The following PTGDR variants were observed in gnomAD, a reference collection of about 807,000 sequenced individuals.
PTGDR encodes the protein prostaglandin D2 receptor, also known as PGD2 receptor.
Under a neutral mutation model 17.4 loss-of-function variants are expected in PTGDR, and 19 were observed. That is an observed-to-expected ratio of 1.09 (90% confidence interval 0.76 to 1.60). The LOEUF is 1.60. PTGDR is among the 40% of genes most tolerant of loss of function. PTGDR has a pLI of 0.00. For missense variants in PTGDR, 526 were observed against 481.9 expected, an observed-to-expected ratio of 1.09 and a Z score of -0.86; for synonymous variants, 267 against 224.2, an observed-to-expected ratio of 1.19 and a Z score of -1.71.
At chr14:52,269,422 GGAAAT>G in intron 1 of PTGDR, 1 of 1,462,738 alleles carries the variant, frequency 6.8e-7, no homozygotes, top group African/African-American at 1.4e-5. Context: ...GGATAGCGAT[GGAAAT>G]GAAATTATCT....
chr14:52,276,732 G>T (rs1361885566), downstream of PTGDR: 2 of 152,118 alleles, frequency 1.3e-5, no homozygotes, highest in Non-Finnish European at 2.9e-5. Flanking sequence ...GTATTTTGCA[G>T]AGGAAATTAC....
intron 1 of PTGDR, among the ~76,000 whole-genome samples, chr14:52,269,074 C>T (rs1422097561): frequency 6.6e-6 from 1 of 152,138 alleles, no homozygotes; most frequent in East Asian, 1.9e-4. Context: ...TTTGTTAGAC[C>T]TGCTCATGAC....
chr14:52,273,617 T>C (rs41312484), intron 1 of PTGDR, among the ~76,000 whole-genome samples: 2,480 of 152,150 alleles, frequency 0.016, 64 homozygotes, highest in African/African-American at 0.052. Flanking sequence ...ATGCACTAGA[T>C]TGGAGTGGCT....
chr14:52,268,285 C>T lies in PTGDR; in HGVS notation c.471C>T (p.Ser157=). Residue 157 remains serine (S), a synonymous_variant, in exon 1 of 2, where the codon AGC becomes AGT. Coordinates refer to ENST00000306051, the MANE Select transcript of PTGDR (RefSeq NM_000953.3). ...RLGALVAPVV[S]AFSLAFCALP... ...GCGCACTGGTGGCCCCGGTGGTGAGCGCCTTCTCCCTGGCTTTCTGCGCGC... is the reference window on the plus strand; with the variant it reads ...GCGCACTGGTGGCCCCGGTGGTGAGTGCCTTCTCCCTGGCTTTCTGCGCGC... The T allele has an allele frequency of 1.2e-6, 2 of 1,613,944 alleles. No homozygotes were observed. The highest frequency in any genetic ancestry group is 8.5e-7 in the Non-Finnish European group (1 of 1,180,046).
At chr14:52,271,650 C>G (rs1262864934) in intron 1 of PTGDR, among the ~76,000 whole-genome samples, 1 of 152,150 alleles carries the variant, frequency 6.6e-6, no homozygotes, top group Non-Finnish European at 1.5e-5. Context: ...ACGTGTGTAC[C>G]CTCAACCTGC....
chr14:52,270,586 C>CA (rs1390857974), intron 1 of PTGDR, among the ~76,000 whole-genome samples: 1 of 152,238 alleles, frequency 6.6e-6, no homozygotes, highest in East Asian at 1.9e-4. Flanking sequence ...TGAATTCCAT[C>CA]AAAAAATTGT....
downstream of PTGDR, among the ~76,000 whole-genome samples, chr14:52,278,335 G>T (rs562114653): frequency 1.3e-5 from 2 of 152,264 alleles, no homozygotes; most frequent in East Asian, 3.9e-4. Flanking sequence ...GATGAAACTG[G>T]AAACCATCAT....
At chr14:52,273,020 T>C (rs376027100) in intron 1 of PTGDR, among the ~76,000 whole-genome samples, 19 of 152,160 alleles carry the variant, frequency 1.2e-4, no homozygotes, top group African/African-American at 4.3e-4. Flanking sequence ...TGTTTTTTTG[T>C]TTGTTTTTTG....
chr14:52,268,188 C>T lies in PTGDR; in HGVS notation c.374C>T (p.Ala125Val), dbSNP rs2033245419. The T allele has an allele frequency of 6.2e-7, 1 of 1,614,024 alleles. No homozygotes were observed. ...CTCTCCTCGACACTGCAACTCCTGG[C>T]CATGGCACTGGAGTGCTGGCTCTCC... ...FGLSSTLQLL[A>V]MALECWLSLG... is the part of the protein sequence containing the mutation. Residue 125 changes from alanine (A) to valine (V), a missense_variant, in exon 1 of 2, where the codon GCC becomes GTC. Coordinates refer to ENST00000306051, the MANE Select transcript of PTGDR (RefSeq NM_000953.3).
chr14:52,272,378 G>A (rs928477962), intron 1 of PTGDR, among the ~76,000 whole-genome samples: 4 of 151,910 alleles, frequency 2.6e-5, no homozygotes, highest in African/African-American at 9.7e-5. Flanking sequence ...GAGGTGGGAG[G>A]ATTGCTTGGG....
In PTGDR at chr14:52,270,330, G is replaced by T. The variant is rs41312466; in HGVS notation, c.846+1670G>T. 7.3e-3 allele frequency among the ~76,000 whole-genome samples: 1,105 copies of T among 152,268 alleles called. 15 individuals are homozygous for T. The highest frequency in any genetic ancestry group is 0.025 in the African/African-American group (1,040 of 41,550). Reference sequence around the variant, plus strand: ...TGGGAGGCCGAGGCGGGCAGATCATGAGGTCAAGAGATCGAGACCATCCTG... The same window carrying T: ...TGGGAGGCCGAGGCGGGCAGATCATTAGGTCAAGAGATCGAGACCATCCTG... On this transcript the variant is annotated intron_variant, in intron 1 of 1. Coordinates refer to ENST00000306051, the MANE Select transcript of PTGDR (RefSeq NM_000953.3).
chr14:52,278,531 G>T (rs539274466), downstream of PTGDR, among the ~76,000 whole-genome samples: 1 of 152,178 alleles, frequency 6.6e-6, no homozygotes, highest in East Asian at 1.9e-4. Context: ...ACGAGTTAAT[G>T]GGTGCAGCAC....
rs573656934 is a variant in PTGDR, at chr14:52,268,661, G to T, written c.846+1G>T. On this transcript the variant is annotated splice_donor_variant, in intron 1 of 1. Coordinates refer to ENST00000306051, the MANE Select transcript of PTGDR (RefSeq NM_000953.3). LOFTEE classifies it high-confidence loss of function. Reference sequence around the variant, plus strand: ...CACTATGTGTTCTCTGCCCGTAATTGTGAGTCCCCGGGCCCCGAGGCAGCA... The same window carrying T: ...CACTATGTGTTCTCTGCCCGTAATTTTGAGTCCCCGGGCCCCGAGGCAGCA... 4 of 1,560,048 alleles carry T rather than the reference G, an allele frequency of 2.6e-6. No individual in the cohort carries two copies. In the East Asian group the frequency reaches 6.8e-5, roughly 26 times the overall value.
downstream of PTGDR, among the ~76,000 whole-genome samples, chr14:52,279,093 C>A (rs2033461779): frequency 6.6e-6 from 1 of 152,042 alleles, no homozygotes. Context: ...CACATATATA[C>A]TGTAGAAGAG....
chr14:52,273,309 G>A (rs1019552506), intron 1 of PTGDR, among the ~76,000 whole-genome samples: 2 of 152,116 alleles, frequency 1.3e-5, no homozygotes, highest in Non-Finnish European at 2.9e-5. Flanking sequence ...CACCGTGCCC[G>A]GCCTGAAAAT....
chr14:52,268,597 G>A lies in PTGDR; in HGVS notation c.783G>A (p.Leu261=). The A allele has an allele frequency of 1.2e-6, 2 of 1,610,604 alleles. No homozygotes were observed. Among genetic ancestry groups the A allele is most frequent in the Non-Finnish European group, 1.7e-6 (2 of 1,178,654 alleles). Reference sequence around the variant, plus strand: ...CGTCCCCTCAGCCCCTGGAGGAGCTGGATCACCTCCTGCTGCTGGCGCTGA... The same window carrying A: ...CGTCCCCTCAGCCCCTGGAGGAGCTAGATCACCTCCTGCTGCTGGCGCTGA... ...REASPQPLEE[L]DHLLLLALMT... is the part of the protein sequence containing the mutation. Residue 261 remains leucine (L), a synonymous_variant, in exon 1 of 2, where the codon CTG becomes CTA. Coordinates refer to ENST00000306051, the MANE Select transcript of PTGDR (RefSeq NM_000953.3).
At chr14:52,274,497 G>A (rs944148354) in intron 1 of PTGDR, among the ~76,000 whole-genome samples, 1 of 152,152 alleles carries the variant, frequency 6.6e-6, no homozygotes, top group Non-Finnish European at 1.5e-5. Flanking sequence ...ATCAGACTGG[G>A]TCTCCGACAA....
intron 1 of PTGDR, among the ~76,000 whole-genome samples, chr14:52,269,910 A>G (rs1475880830): frequency 2.0e-5 from 3 of 152,226 alleles, no homozygotes; most frequent in Non-Finnish European, 4.4e-5. Context: ...CTAGAAAAAA[A>G]GATGGCTGGA....
chr14:52,280,742 G>T (rs1594624066), downstream of PTGDR, among the ~76,000 whole-genome samples: 1 of 152,126 alleles, frequency 6.6e-6, no homozygotes, highest in Non-Finnish European at 1.5e-5. Flanking sequence ...CCAGACAAAG[G>T]CATGAATGAC....
Sources: gnomAD v4.1 joint callset for allele counts (sites outside exome capture counted in the v4.1 genomes callset) on GRCh38, gnomAD v4.1.1 for gene constraint, MANE v1.5 for transcripts, NCBI Gene and HGNC (gene_info 2026-07-23, HGNC 2026-07-21) for gene names.